CCDC88A: variants seen among roughly 807,000 people sequenced by gnomAD.
CCDC88A encodes the protein coiled-coil and HOOK domain protein 88A.
In CCDC88A, 54 loss-of-function variants were observed where a neutral mutation model predicts 234.3. The observed-to-expected ratio is 0.23, with a 90% CI of 0.19 to 0.29. The LOEUF is 0.29. CCDC88A is among the 10% of genes least tolerant of loss of function. The pLI is 1.00. For missense variants in CCDC88A, 1,832 were observed against 2,123.4 expected (o/e 0.86, Z 2.70); for synonymous variants, 753 against 737.8 (o/e 1.02, Z -0.33).
intron 22 of CCDC88A, chr2:55,313,852 G>A (rs1251341809): frequency 3.3e-5 from 5 of 152,154 alleles, no homozygotes; most frequent in Admixed American, 1.3e-4. Flanking sequence ...ATCATACTAC[G>A]TTGGTTTTAT....
chr2:55,354,431 T>C (rs1054949946), intron 8 of CCDC88A, among the ~76,000 whole-genome samples: 42 of 152,284 alleles, frequency 2.8e-4, no homozygotes, highest in African/African-American at 9.1e-4. Context: ...GCACCAGCCA[T>C]GTTTTTAATA....
intron 5 of CCDC88A, among the ~76,000 whole-genome samples, chr2:55,364,436 C>A (rs1558746947): frequency 6.6e-6 from 1 of 151,988 alleles, no homozygotes; most frequent in Non-Finnish European, 1.5e-5. Context: ...CTCAGTCAGT[C>A]CCTGACTATT....
chr2:55,362,958 A>G (rs1671509606), intron 6 of CCDC88A, among the ~76,000 whole-genome samples: 1 of 152,132 alleles, frequency 6.6e-6, no homozygotes, highest in South Asian at 2.1e-4. Flanking sequence ...GAAAAGTTAT[A>G]TAAGTGCCTT....
intron 3 of CCDC88A, among the ~76,000 whole-genome samples, chr2:55,379,079 T>G (rs1399680724): frequency 6.6e-6 from 1 of 152,102 alleles, no homozygotes; most frequent in African/African-American, 2.4e-5. Flanking sequence ...AAAAGTCTTT[T>G]TATTTCCCCA....
Position 55,370,712 on chromosome 2 carries a change from A to G in CCDC88A, c.402+1740T>C, listed in dbSNP as rs376871287. On this transcript the variant is annotated intron_variant, in intron 5 of 32. Transcript: ENST00000436346. ...ATTAGTCTTTCTTTATTCTCAGATA[A>G]ATTTACCCTTTGGGGCCAGGCAGGG... 2.2e-4 allele frequency among the ~76,000 whole-genome samples: 33 copies of G among 149,974 alleles called. No homozygotes were observed. The East Asian group carries it at 3.6e-3, about 16-fold the overall frequency.
intron 3 of CCDC88A, among the ~76,000 whole-genome samples, chr2:55,385,836 G>C (rs1354956868): frequency 2.1e-5 from 2 of 94,944 alleles, no homozygotes; most frequent in Non-Finnish European, 3.7e-5. Context: ...CTAGGTAACA[G>C]AGTGAAACTC....
rs776692752 is a variant in CCDC88A at position 55,322,480 on chromosome 2, C to T, written c.3162+48G>A. 7 of 1,079,682 alleles carry T rather than the reference C, an allele frequency of 6.5e-6. 1 individual carries two copies. In the South Asian group the frequency reaches 8.1e-5, roughly 12 times the overall value. The allele number at this position is 1,079,682 out of a possible 1,614,324, so 66.9% of individuals were successfully genotyped here. On this transcript the variant is annotated intron_variant, in intron 18 of 32. Coordinates refer to ENST00000436346, the MANE Select transcript of CCDC88A (RefSeq NM_001365480.1). ...TCTAAGATAAATATATCCAGTGATC[C>T]TCTATTTCTAAAAAAAACTATTTCT...
chr2:55,325,902 A>C (rs562344694), intron 17 of CCDC88A, among the ~76,000 whole-genome samples: 1 of 152,346 alleles, frequency 6.6e-6, no homozygotes, highest in East Asian at 1.9e-4. Context: ...TATTTACTGC[A>C]CTAAAATTTA....
intron 25 of CCDC88A, among the ~76,000 whole-genome samples, chr2:55,305,526 T>C (rs1037050958): frequency 5.9e-5 from 9 of 152,160 alleles, no homozygotes; most frequent in African/African-American, 2.2e-4. Flanking sequence ...TGTGCCTCTC[T>C]TGTGTATGCT....
At chr2:55,385,852 C>CAAAAAA (rs56233901) in intron 3 of CCDC88A, among the ~76,000 whole-genome samples, 27 of 62,470 alleles carry the variant, frequency 4.3e-4, no homozygotes, top group African/African-American at 7.9e-4. Context: ...AACTCCATGT[C>CAAAAAA]AAAAAAAAAA....
intron 7 of CCDC88A, among the ~76,000 whole-genome samples, chr2:55,360,775 G>A (rs761312307): frequency 7.2e-5 from 11 of 151,908 alleles, no homozygotes; most frequent in East Asian, 1.9e-4. Flanking sequence ...CATTTTATAC[G>A]CACCCATCAG....
At chr2:55,295,402 C>T (rs79894424) in intron 31 of CCDC88A, 195 bp downstream of exon 31, 33 of 1,546,990 alleles carry the variant, frequency 2.1e-5, no homozygotes, top group Admixed American at 3.9e-5. Flanking sequence ...GCCAACATTC[C>T]GAATGCATCA....
In CCDC88A at chr2:55,419,004, A is replaced by C. The variant is rs771617882; in HGVS notation, c.63+13T>G. 1.2e-6 allele frequency: 2 copies of C among 1,609,674 alleles called. No individual in the cohort carries two copies. The highest frequency in any genetic ancestry group is 2.2e-5 in the East Asian group (1 of 44,876). On this transcript the variant is annotated intron_variant, in intron 1 of 32. Coordinates refer to ENST00000436346, the MANE Select transcript of CCDC88A (RefSeq NM_001365480.1). ...AACTCAGCAAAATATACAATAAAGG[A>C]CACCCCACTTACCCAAGTGACCAAA...
In CCDC88A at chr2:55,288,127, A is replaced by G. The variant is rs1463226809; in HGVS notation, c.*3073T>C. ...GGTATTTAATAACAGTTATAAGTAC[A>G]ATGGTAGACACTGAAAAAGAAAACC... On this transcript the variant is annotated 3_prime_UTR_variant, in exon 33 of 33. Transcript: ENST00000436346. The G allele has an allele frequency of 2.0e-5, 3 of 152,676 alleles. No homozygotes were observed. The highest frequency in any genetic ancestry group is 4.4e-5 in the Non-Finnish European group (3 of 68,044). 9.5% of individuals were successfully genotyped at this position (152,676 alleles called of 1,614,324 possible).
At chr2:55,343,820 G>C (rs1558706471) in intron 11 of CCDC88A, 28 bp from the exon 12 acceptor site, 1 of 1,540,986 alleles carries the variant, frequency 6.5e-7, no homozygotes, top group Admixed American at 2.0e-5. Flanking sequence ...ATTAGGGAGA[G>C]AAAAAAGCTA....
At chr2:55,362,200 G>A in intron 7 of CCDC88A, 108 bp downstream of exon 7, 4 of 835,182 alleles carry the variant, frequency 4.8e-6, no homozygotes, top group Non-Finnish European at 7.2e-6. Flanking sequence ...AGACACTCCT[G>A]TATCACCTGT....
intron 4 of CCDC88A, among the ~76,000 whole-genome samples, chr2:55,373,697 A>C (rs1266905426): frequency 1.3e-5 from 2 of 152,116 alleles, no homozygotes; most frequent in Non-Finnish European, 2.9e-5. Flanking sequence ...TCCTACACGC[A>C]ATTTTTTTCA....
chr2:55,311,978 AT>A (rs1335778790), intron 23 of CCDC88A, among the ~76,000 whole-genome samples: 1 of 152,150 alleles, frequency 6.6e-6, no homozygotes, highest in East Asian at 1.9e-4. Context: ...TTTAGGTCCT[AT>A]ACCACACCAC....
intron 8 of CCDC88A, among the ~76,000 whole-genome samples, chr2:55,354,140 G>A (rs2104757829): frequency 8.0e-6 from 1 of 125,462 alleles, no homozygotes; most frequent in South Asian, 2.5e-4. Flanking sequence ...ATAAAAAATG[G>A]TACTTTTTTT....
Sources: gnomAD v4.1 joint callset for allele counts (sites outside exome capture counted in the v4.1 genomes callset) on GRCh38, gnomAD v4.1.1 for gene constraint, MANE v1.5 for transcripts, NCBI Gene and HGNC (gene_info 2026-07-23, HGNC 2026-07-21) for gene names.